MEGF10: variants seen among roughly 807,000 people sequenced by gnomAD.
MEGF10 encodes the protein multiple epidermal growth factor-like domains protein 10.
A neutral mutation model predicts 147.5 loss-of-function variants in MEGF10; 86 were observed. The ratio of observed to expected loss-of-function variants is 0.58; its 90% confidence interval spans 0.49 to 0.70. The LOEUF is 0.70. Among genes scored for constraint, MEGF10 ranks in the 30% least tolerant of loss-of-function variants. The pLI, the probability that MEGF10 is intolerant of heterozygous loss-of-function variation, is 0.00. For missense variants in MEGF10, 1,329 were observed against 1,487.3 expected, an observed-to-expected ratio of 0.89 and a Z score of 1.75; for synonymous variants, 478 against 525.5, an observed-to-expected ratio of 0.91 and a Z score of 1.24.
At chr5:127,309,164 C>T (rs891235982) in intron 1 of MEGF10, among the ~76,000 whole-genome samples, 2 of 152,230 alleles carry the variant, frequency 1.3e-5, no homozygotes, top group African/African-American at 4.8e-5. Flanking sequence ...GAATGTCTGT[C>T]TTAATCATGC....
chr5:127,379,465 C>T (rs1763168922), intron 5 of MEGF10, among the ~76,000 whole-genome samples: 1 of 152,180 alleles, frequency 6.6e-6, no homozygotes, highest in East Asian at 1.9e-4. Flanking sequence ...TTCTACCTTT[C>T]AGGATATCAC....
chr5:127,392,854 A>G (rs1763755140), intron 5 of MEGF10, among the ~76,000 whole-genome samples: 1 of 152,106 alleles, frequency 6.6e-6, no homozygotes, highest in Admixed American at 6.6e-5. Context: ...TTATTATGAG[A>G]GCTTATTAGA....
At chr5:127,282,389 TTTA>T in the MEGF10 span, among the ~76,000 whole-genome samples, 1 of 152,254 alleles carries the variant, frequency 6.6e-6, no homozygotes, top group East Asian at 1.9e-4. Flanking sequence ...TCTGATGCCT[TTTA>T]TTAAGTCCTT....
At chr5:127,419,307 A>G (rs1764895271) in intron 11 of MEGF10, 67 bp downstream of exon 11, 4 of 1,544,346 alleles carry the variant, frequency 2.6e-6, no homozygotes, top group Admixed American at 2.1e-5. Flanking sequence ...CACAAAAAAG[A>G]AAAACCTTAA....
chr5:127,256,027 C>T, the MEGF10 span, among the ~76,000 whole-genome samples: 2 of 152,190 alleles, frequency 1.3e-5, no homozygotes, highest in African/African-American at 4.8e-5. Context: ...CTGCATCCCC[C>T]AGCTCAAACC....
upstream of MEGF10, among the ~76,000 whole-genome samples, chr5:127,288,449 A>G (rs1294930120): frequency 6.6e-6 from 1 of 152,200 alleles, no homozygotes; most frequent in African/African-American, 2.4e-5. Context: ...TTATCAAAGA[A>G]CAGGTGGCAT....
intron 4 of MEGF10, among the ~76,000 whole-genome samples, chr5:127,350,733 T>C (rs982548413): frequency 6.6e-6 from 1 of 152,122 alleles, no homozygotes; most frequent in African/African-American, 2.4e-5. Context: ...CCTAGGCCAC[T>C]TCAAAAAAGA....
the MEGF10 span, among the ~76,000 whole-genome samples, chr5:127,277,536 C>T: frequency 6.6e-6 from 1 of 152,202 alleles, no homozygotes; most frequent in Non-Finnish European, 1.5e-5. Flanking sequence ...GCACTGTGAA[C>T]ACTTTGACTC....
At chr5:127,407,118 T>G (rs1764362603) in intron 8 of MEGF10, among the ~76,000 whole-genome samples, 1 of 152,170 alleles carries the variant, frequency 6.6e-6, no homozygotes, top group African/African-American at 2.4e-5. Context: ...GCAGCATTGG[T>G]CGTCAATGGA....
At chr5:127,386,601 G>C (rs1014442490) in intron 5 of MEGF10, among the ~76,000 whole-genome samples, 1 of 152,144 alleles carries the variant, frequency 6.6e-6, no homozygotes. Flanking sequence ...ACTCACTCCA[G>C]TTGTCTTTGT....
intron 8 of MEGF10, among the ~76,000 whole-genome samples, chr5:127,405,801 G>A (rs564450351): frequency 6.6e-6 from 1 of 151,684 alleles, no homozygotes; most frequent in Non-Finnish European, 1.5e-5. Flanking sequence ...TAAAAATTTT[G>A]TTAATAGTAG....
At chr5:127,247,987 T>C in the MEGF10 span, among the ~76,000 whole-genome samples, 1 of 152,012 alleles carries the variant, frequency 6.6e-6, no homozygotes, top group African/African-American at 2.4e-5. Context: ...TTCTGAAAAG[T>C]AGAAGCTGCA....
At chr5:127,398,930 A>T in intron 7 of MEGF10, 134 bp downstream of exon 7, 1 of 1,231,784 alleles carries the variant, frequency 8.1e-7, no homozygotes, top group Non-Finnish European at 1.1e-6. Context: ...AATTGGAAAG[A>T]CTCAAGCCAT....
At chr5:127,279,594 C>T in the MEGF10 span, among the ~76,000 whole-genome samples, 80 of 152,286 alleles carry the variant, frequency 5.3e-4, 1 homozygote, top group African/African-American at 1.9e-3. Context: ...CCTCCCACCG[C>T]AGAAAACTCT....
At chr5:127,399,783 T>A (rs934232902) in intron 7 of MEGF10, among the ~76,000 whole-genome samples, 4 of 152,230 alleles carry the variant, frequency 2.6e-5, no homozygotes, top group Admixed American at 6.5e-5. Flanking sequence ...ATCTCCCTTC[T>A]TCTGCATACT....
intron 17 of MEGF10, among the ~76,000 whole-genome samples, chr5:127,439,459 A>G (rs545129718): frequency 1.3e-5 from 2 of 152,234 alleles, no homozygotes; most frequent in Non-Finnish European, 2.9e-5. Flanking sequence ...GAATAGGCTG[A>G]AAAAGTCTTA....
chr5:127,373,734 G>T (rs1762927481), intron 5 of MEGF10, among the ~76,000 whole-genome samples: 1 of 152,098 alleles, frequency 6.6e-6, no homozygotes, highest in Admixed American at 6.5e-5. Context: ...AGTAATGAGG[G>T]ATGGGCTAGT....
chr5:127,386,563 G>A (rs576735023), intron 5 of MEGF10, among the ~76,000 whole-genome samples: 7 of 152,318 alleles, frequency 4.6e-5, no homozygotes, highest in Middle Eastern at 3.4e-3. Flanking sequence ...TAAATGTAAA[G>A]TAGTTCTGGG....
chr5:127,387,189 G>A (rs1026550359), intron 5 of MEGF10, among the ~76,000 whole-genome samples: 1 of 152,148 alleles, frequency 6.6e-6, no homozygotes, highest in Non-Finnish European at 1.5e-5. Flanking sequence ...ATGAGACAAT[G>A]TATTAATGTA....
Sources: allele counts gnomAD v4.1 joint callset (sites outside exome capture counted in the v4.1 genomes callset), GRCh38; gene constraint gnomAD v4.1.1; transcripts MANE v1.5; gene names NCBI Gene and HGNC (gene_info 2026-07-23, HGNC 2026-07-21).